Variants in LACTBL1 observed in about 807,000 individuals in gnomAD.
LACTBL1 encodes lactamase beta like 1, also known as beta-lactamase-like protein 1.
A neutral mutation model predicts 39.6 loss-of-function variants in LACTBL1; 29 were observed. That is an observed-to-expected ratio of 0.73 (90% CI 0.55 to 1.00). The LOEUF is 1.00. Ranked by LOEUF, LACTBL1 falls within the 50% of genes least tolerant of loss-of-function variation. The pLI, the probability that LACTBL1 is intolerant of heterozygous loss-of-function variation, is 0.00. For missense variants in LACTBL1, 711 were observed against 748.5 expected, an observed-to-expected ratio of 0.95 and a Z score of 0.59; for synonymous variants, 361 against 360.7, an observed-to-expected ratio of 1.00 and a Z score of -0.01.
At chr1:22,965,210 T>G in intron 1 of LACTBL1, 80 bp downstream of exon 3, 1 of 1,203,548 alleles carries the variant, frequency 8.3e-7, no homozygotes, top group Non-Finnish European at 1.1e-6. Flanking sequence ...CCCTACACAC[T>G]AGAATCAGGG....
In LACTBL1 at chr1:22,958,996, C is replaced by T. The variant is rs1316484164; in HGVS notation, c.318-76G>A. On this transcript the variant is annotated intron_variant, in intron 3 of 5. Coordinates refer to ENST00000426928, the Ensembl canonical transcript of LACTBL1. ...CAACCCACCTCCTGCCCCCATCCTGCAACTTTTTAGTGTTCTAGAAAAGCA... is the reference window on the plus strand; with the variant it reads ...CAACCCACCTCCTGCCCCCATCCTGTAACTTTTTAGTGTTCTAGAAAAGCA... The T allele has an allele frequency of 4.2e-6, 4 of 951,352 alleles. No individual in the cohort carries two copies. In the African/African-American group the frequency reaches 6.6e-5, roughly 16 times the overall value. 58.9% of individuals were successfully genotyped at this position (951,352 alleles called of 1,614,324 possible).
chr1:22,962,856 A>T (rs925970365), intron 2 of LACTBL1, among the ~76,000 whole-genome samples: 2 of 150,974 alleles, frequency 1.3e-5, no homozygotes, highest in African/African-American at 4.9e-5. Flanking sequence ...TCTTACCCTC[A>T]CTCTTGCCCC....
At chr1:22,957,640 C>CTTTTT (rs34603019) in intron 4 of LACTBL1, among the ~76,000 whole-genome samples, 5 of 56,640 alleles carry the variant, frequency 8.8e-5, no homozygotes, top group East Asian at 7.0e-4. Flanking sequence ...TCTTAATATT[C>CTTTTT]TTTTTTTTTT....
the LACTBL1 span, among the ~76,000 whole-genome samples, chr1:22,971,655 A>G: frequency 6.6e-6 from 1 of 152,234 alleles, no homozygotes; most frequent in African/African-American, 2.4e-5. Context: ...GCTCTGGGCC[A>G]CATCTGCCCC....
At chr1:22,955,492 C>T in intron 4 of LACTBL1, 66 bp from the exon 7 acceptor site, 4 of 986,710 alleles carry the variant, frequency 4.1e-6, no homozygotes, top group Non-Finnish European at 6.1e-6. Flanking sequence ...CCCCTGGGTG[C>T]ACTCCCTCCC....
Position 22,954,081 on chromosome 1 carries a change from C to G in LACTBL1, c.660-57G>C, listed in dbSNP as rs901079378. 9 of 1,459,008 alleles carry G rather than the reference C, an allele frequency of 6.2e-6. No individual in the cohort carries two copies. The Admixed American group carries it at 1.5e-4, about 25-fold the overall frequency. The allele number at this position is 1,459,008 out of a possible 1,614,324, so 90.4% of individuals were successfully genotyped here. On this transcript the variant is annotated intron_variant, in intron 5 of 5. Transcript: ENST00000426928. Reference sequence around the variant, plus strand: ...GCCCTTCCTCACCCGCCCGCGCTGTCTGAAATGCCACCAGTTTCATGGGAC... The same window carrying G: ...GCCCTTCCTCACCCGCCCGCGCTGTGTGAAATGCCACCAGTTTCATGGGAC...
upstream of LACTBL1, among the ~76,000 whole-genome samples, chr1:22,965,792 G>A (rs115916771): frequency 4.4e-3 from 663 of 152,308 alleles, 9 homozygotes; most frequent in African/African-American, 0.015. Context: ...AAAGGAAAGA[G>A]GTTTAGTTGA....
chr1:22,954,083 G>A, intron 5 of LACTBL1, 59 bp from the exon 8 acceptor site: 2 of 1,458,800 alleles, frequency 1.4e-6, no homozygotes, highest in Non-Finnish European at 1.8e-6. Flanking sequence ...CGCGCTGTCT[G>A]AAATGCCACC....
the LACTBL1 span, among the ~76,000 whole-genome samples, chr1:22,972,681 G>A: frequency 1.4e-4 from 21 of 152,242 alleles, no homozygotes; most frequent in African/African-American, 5.1e-4. Flanking sequence ...GTTACCCTGT[G>A]TGCCCCGCAT....
chr1:22,967,514 G>A (rs1016872976), upstream of LACTBL1, among the ~76,000 whole-genome samples: 2 of 151,780 alleles, frequency 1.3e-5, no homozygotes, highest in Non-Finnish European at 2.9e-5. Context: ...ACCACTACAT[G>A]CCAGCCTGGA....
intron 2 of LACTBL1, among the ~76,000 whole-genome samples, chr1:22,960,661 A>C (rs1488924489): frequency 6.7e-6 from 1 of 150,084 alleles, no homozygotes; most frequent in East Asian, 1.9e-4. Context: ...TGCTTTAGTC[A>C]AACCCATGTC....
intron 1 of LACTBL1, 31 bp downstream of exon 3, chr1:22,965,259 G>A: frequency 2.3e-6 from 3 of 1,308,552 alleles, no homozygotes; most frequent in Non-Finnish European, 2.9e-6. Flanking sequence ...GGGGGCTATG[G>A]GGAGGAACTC....
intron 4 of LACTBL1, among the ~76,000 whole-genome samples, chr1:22,957,447 A>G (rs1268350327): frequency 2.6e-5 from 4 of 152,116 alleles, no homozygotes; most frequent in African/African-American, 9.7e-5. Context: ...ATTGCCCTCC[A>G]TACGGCTGCA....
At position 22,958,788 on chromosome 1, in the gene LACTBL1, C is replaced by G. The variant is rs1446807824; in HGVS notation, c.450G>C (p.Leu150=). ...TCAGGCCCTGCTGTTCGGCTGATGCCAGGCCCAGCGGGTTGTTAATGGTGA... is the reference window on the plus strand; with the variant it reads ...TCAGGCCCTGCTGTTCGGCTGATGCGAGGCCCAGCGGGTTGTTAATGGTGA... Residue 150 remains leucine, a synonymous_variant, in exon 4 of 6, where the codon CTG becomes CTC. Transcript: ENST00000426928. 2.6e-6 allele frequency: 4 copies of G among 1,550,688 alleles called. No homozygotes were observed. In the Admixed American group the frequency reaches 7.8e-5, roughly 30 times the overall value.
At chr1:22,967,567 T>TACACAC (rs149065665), upstream of LACTBL1, among the ~76,000 whole-genome samples, 10 of 148,520 alleles carry the variant, frequency 6.7e-5, no homozygotes, top group African/African-American at 2.2e-4. Flanking sequence ...TCCATATATA[T>TACACAC]ACACACACAC....
chr1:22,964,688 G>C (rs1250724099), intron 1 of LACTBL1, among the ~76,000 whole-genome samples: 2 of 152,238 alleles, frequency 1.3e-5, no homozygotes, highest in Non-Finnish European at 2.9e-5. Context: ...TCACAGAATA[G>C]GGTGGTCCCA....
At chr1:22,963,321 C>CAGCCG (rs1171100026) in intron 1 of LACTBL1, 105 bp from the exon 4 acceptor site, 9 of 572,338 alleles carry the variant, frequency 1.6e-5, no homozygotes, top group Admixed American at 8.6e-5. Flanking sequence ...CAGCCCTCCC[C>CAGCCG]AGCCGAGCCG....
Position 22,953,638 on chromosome 1 carries a change from C to T in LACTBL1, c.1046G>A (p.Trp349Ter), listed in dbSNP as rs2124221093. Residue 349 changes from tryptophan to a stop codon, truncating the protein, a stop_gained, in exon 6 of 6, where the codon TGG becomes TAG. Coordinates refer to ENST00000426928, the Ensembl canonical transcript of LACTBL1. LOFTEE classifies it high-confidence loss of function. ...GTAGCCCCGCTGCGCGTGGAACTCC[C>T]ACGGCGTGCCCGTCTCGTTGGCGAA... 1 of 1,270,624 alleles carries T rather than the reference C, an allele frequency of 7.9e-7. No individual in the cohort carries two copies. Among genetic ancestry groups the T allele is most frequent in the East Asian group, 3.2e-5 (1 of 31,500 alleles). The allele number at this position is 1,270,624 out of a possible 1,614,324, so 78.7% of individuals were successfully genotyped here.
upstream of LACTBL1, chr1:22,965,559 A>C: frequency 3.0e-5 from 9 of 302,858 alleles, no homozygotes; most frequent in Non-Finnish European, 3.9e-5. Flanking sequence ...GATAAATTTC[A>C]CAGTTGTGAA....
Sources: allele counts gnomAD v4.1 joint callset (sites outside exome capture counted in the v4.1 genomes callset), GRCh38; gene constraint gnomAD v4.1.1; transcripts MANE v1.5; gene names NCBI Gene and HGNC (gene_info 2026-07-23, HGNC 2026-07-21).